MEGF11: variants seen among roughly 807,000 people sequenced by gnomAD.
MEGF11 encodes the protein multiple EGF like domains 11.
Under a neutral mutation model 146.6 loss-of-function variants are expected in MEGF11, and 126 were observed. The observed-to-expected ratio is 0.86, with a 90% CI of 0.74 to 1.00. The LOEUF is 1.00. Ranked by LOEUF, MEGF11 falls within the 50% of genes least tolerant of loss-of-function variation. MEGF11 has a pLI of 0.00. For missense variants in MEGF11, 1,509 were observed against 1,521.2 expected (o/e 0.99, Z 0.13); for synonymous variants, 532 against 583.4 (o/e 0.91, Z 1.27).
chr15:65,969,913 C>G (rs1197071475), intron 8 of MEGF11, among the ~76,000 whole-genome samples: 1 of 152,122 alleles, frequency 6.6e-6, no homozygotes, highest in African/African-American at 2.4e-5. Context: ...AGCTTCCAAT[C>G]TACTCACCAT....
chr15:66,112,206 C>G (rs1223103893), intron 4 of MEGF11, among the ~76,000 whole-genome samples: 1 of 151,608 alleles, frequency 6.6e-6, no homozygotes, highest in Non-Finnish European at 1.5e-5. Flanking sequence ...CGAGATAAAA[C>G]TATCTGAAAG....
intron 1 of MEGF11, among the ~76,000 whole-genome samples, chr15:66,192,031 T>C (rs2090896363): frequency 6.6e-6 from 1 of 151,946 alleles, no homozygotes; most frequent in African/African-American, 2.4e-5. Context: ...TGAGCCGAGA[T>C]CACGCCACTG....
chr15:66,240,805 T>A (rs2092194273), intron 1 of MEGF11, among the ~76,000 whole-genome samples: 1 of 152,196 alleles, frequency 6.6e-6, no homozygotes, highest in African/African-American at 2.4e-5. Flanking sequence ...AGGAAGATAC[T>A]TTTTGGGTAC....
At chr15:66,071,750 C>T (rs1179522397) in intron 5 of MEGF11, among the ~76,000 whole-genome samples, 2 of 152,236 alleles carry the variant, frequency 1.3e-5, no homozygotes, top group Non-Finnish European at 2.9e-5. Context: ...ATCCATGCCA[C>T]TCATCTGCTG....
intron 5 of MEGF11, among the ~76,000 whole-genome samples, chr15:65,990,526 G>C (rs1567192689): frequency 6.6e-6 from 1 of 151,100 alleles, no homozygotes; most frequent in Non-Finnish European, 1.5e-5. Context: ...CTCCAACCTT[G>C]GTAACATGGT....
intron 8 of MEGF11, among the ~76,000 whole-genome samples, chr15:65,969,813 G>T (rs146766246): frequency 6.6e-6 from 1 of 152,084 alleles, no homozygotes; most frequent in Non-Finnish European, 1.5e-5. Flanking sequence ...GCCTCTGTAC[G>T]GCCCTTCTCT....
At chr15:66,197,551 T>A (rs1260704479) in intron 1 of MEGF11, among the ~76,000 whole-genome samples, 5 of 152,234 alleles carry the variant, frequency 3.3e-5, no homozygotes, top group African/African-American at 1.2e-4. Flanking sequence ...GTCTCCTGAA[T>A]AGCTGGGACT....
chr15:66,146,049 G>T (rs943162454), intron 1 of MEGF11, among the ~76,000 whole-genome samples: 1 of 152,062 alleles, frequency 6.6e-6, no homozygotes, highest in South Asian at 2.1e-4. Flanking sequence ...AAAAGCCCCT[G>T]GGTGTTGTGT....
At chr15:66,215,127 AC>A in intron 1 of MEGF11, among the ~76,000 whole-genome samples, 1 of 152,102 alleles carries the variant, frequency 6.6e-6, no homozygotes, top group Non-Finnish European at 1.5e-5. Context: ...CTGTATTAAG[AC>A]CACAAAGCTT....
At position 65,913,694 on chromosome 15, in the gene MEGF11, G is replaced by A. The variant is rs545863697; in HGVS notation, c.2710+43C>T. The A allele has an allele frequency of 8.6e-6, 13 of 1,513,244 alleles. No homozygotes were observed. In the African/African-American group the frequency reaches 1.5e-4, roughly 18 times the overall value. The allele number at this position is 1,513,244 out of a possible 1,614,324, so 93.7% of individuals were successfully genotyped here. A position where few individuals can be genotyped will look rare whatever the true frequency, so the allele number is the denominator to read the frequency against. On this transcript the variant is annotated intron_variant, in intron 20 of 25. Coordinates refer to ENST00000395614, the MANE Select transcript of MEGF11 (RefSeq NM_001385028.1). ...GCACAACCATTCCTGGGGTATGTGT[G>A]TGTGGAGGGGAAGAGGAGGGAGGCC...
At chr15:66,098,545 C>G (rs1297736790) in intron 4 of MEGF11, among the ~76,000 whole-genome samples, 1 of 152,188 alleles carries the variant, frequency 6.6e-6, no homozygotes, top group Non-Finnish European at 1.5e-5. Context: ...CAGCTAAGAT[C>G]CAAGAAGGCT....
chr15:66,238,322 T>C (rs1421612485), intron 1 of MEGF11, among the ~76,000 whole-genome samples: 1 of 152,160 alleles, frequency 6.6e-6, no homozygotes, highest in Admixed American at 6.5e-5. Context: ...TGGAGTTTGC[T>C]AAAGGCTTTT....
intron 5 of MEGF11, among the ~76,000 whole-genome samples, chr15:66,013,593 T>G (rs2082780295): frequency 6.6e-6 from 1 of 152,186 alleles, no homozygotes; most frequent in African/African-American, 2.4e-5. Context: ...TAACTTGCCA[T>G]ATCCCCACAG....
chr15:66,161,009 G>A (rs1198804055), intron 1 of MEGF11, among the ~76,000 whole-genome samples: 1 of 152,112 alleles, frequency 6.6e-6, no homozygotes, highest in Non-Finnish European at 1.5e-5. Context: ...GTGTGCCCAC[G>A]AGGACAGCAA....
At chr15:65,948,450 G>A (rs1351460274) in intron 10 of MEGF11, among the ~76,000 whole-genome samples, 2 of 152,096 alleles carry the variant, frequency 1.3e-5, no homozygotes, top group Non-Finnish European at 2.9e-5. Flanking sequence ...GACCCCGAAG[G>A]GCTGGCATTA....
chr15:65,989,859 G>C (rs899829005), intron 5 of MEGF11, among the ~76,000 whole-genome samples: 1 of 152,196 alleles, frequency 6.6e-6, no homozygotes, highest in Non-Finnish European at 1.5e-5. Context: ...GGGGAATTTA[G>C]GTTGTCACAA....
intron 5 of MEGF11, among the ~76,000 whole-genome samples, chr15:65,984,000 A>G (rs777616252): frequency 1.3e-5 from 2 of 152,118 alleles, no homozygotes; most frequent in African/African-American, 2.4e-5. Context: ...CAAGCGGTCA[A>G]TGTCATGGAG....
Position 66,198,156 on chromosome 15 carries a change from C to T in MEGF11, c.-9+55449G>A, listed in dbSNP as rs144815532. Among the ~76,000 whole-genome samples the T allele has an allele frequency of 5.1e-3, 782 of 152,330 alleles. 7 individuals carry two copies. Among genetic ancestry groups the T allele is most frequent in the African/African-American group, 0.017 (690 of 41,570 alleles). The stretch of plus-strand genomic sequence containing the variant: ...TCAAGAGCTCTGATCAGCGTGAAGA[C>T]TACCTACCATGTGAACTTGACAGTC... On this transcript the variant is annotated intron_variant, in intron 1 of 25. Coordinates refer to ENST00000395614, the MANE Select transcript of MEGF11 (RefSeq NM_001385028.1).
chr15:65,901,073 A>C (rs1171904228), intron 24 of MEGF11, among the ~76,000 whole-genome samples: 4 of 152,200 alleles, frequency 2.6e-5, no homozygotes, highest in African/African-American at 9.7e-5. Context: ...AGGTGACTTC[A>C]TTTCTACATA....
Sources: gnomAD v4.1 joint callset for allele counts (sites outside exome capture counted in the v4.1 genomes callset) on GRCh38, gnomAD v4.1.1 for gene constraint, MANE v1.5 for transcripts, NCBI Gene and HGNC (gene_info 2026-07-23, HGNC 2026-07-21) for gene names.